LYRM7: variants seen among roughly 807,000 people sequenced by gnomAD.
LYRM7 encodes LYR motif containing 7.
A neutral mutation model predicts 15.8 loss-of-function variants in LYRM7; 9 were observed. The observed-to-expected ratio is 0.57, with a 90% CI of 0.34 to 0.99. The LOEUF (loss-of-function observed/expected upper bound fraction) is 0.99. Among genes scored for constraint, LYRM7 ranks in the 50% least tolerant of loss-of-function variants. The pLI is 0.02. For missense variants in LYRM7, 115 were observed against 119.1 expected, an observed-to-expected ratio of 0.97 and a Z score of 0.16; for synonymous variants, 39 against 39.4, an observed-to-expected ratio of 0.99 and a Z score of 0.04.
rs1756071825 is a variant in LYRM7, at chr5:131,201,782, T to A, written c.*2181T>A. Reference sequence around the variant, plus strand: ...TAAACATGTCAACAACAGGCTTGACTGTCACAAAATTCTGAAAGATGTCGC... The same window carrying A: ...TAAACATGTCAACAACAGGCTTGACAGTCACAAAATTCTGAAAGATGTCGC... On this transcript the variant is annotated 3_prime_UTR_variant, in exon 5 of 5. Coordinates refer to ENST00000379380, the MANE Select transcript of LYRM7 (RefSeq NM_181705.4). 1 of 152,190 alleles carries A rather than the reference T, an allele frequency of 6.6e-6. No individual in the cohort carries two copies. The highest frequency in any genetic ancestry group is 1.5e-5 in the Non-Finnish European group (1 of 68,034). The allele number at this position is 152,190 out of a possible 1,614,324, so 9.4% of individuals were successfully genotyped here. A position where few individuals can be genotyped will look rare whatever the true frequency, so the allele number is the denominator to read the frequency against.
chr5:131,202,210 C>T lies in LYRM7; in HGVS notation c.*2609C>T, dbSNP rs1756082121. ...AATAGTTTAATTAGATAAAGTAATT[C>T]ATGGCTGGGTGTGGTGGCTCACGCC... On this transcript the variant is annotated 3_prime_UTR_variant, in exon 5 of 5. Transcript: ENST00000379380. 1 of 152,002 alleles carries T rather than the reference C, an allele frequency of 6.6e-6. No individual in the cohort carries two copies. The highest frequency in any genetic ancestry group is 2.4e-5 in the African/African-American group (1 of 41,388). 9.4% of individuals were successfully genotyped at this position (152,002 alleles called of 1,614,324 possible).
intron 2 of LYRM7, among the ~76,000 whole-genome samples, chr5:131,181,290 A>ATAT (rs1396017955): frequency 6.1e-5 from 1 of 16,490 alleles, no homozygotes; most frequent in African/African-American, 1.5e-4. Context: ...AAAAAAAAAA[A>ATAT]AAAAAAAAAA....
chr5:131,187,468 TG>T (rs1440673863), intron 4 of LYRM7, among the ~76,000 whole-genome samples: 1 of 149,114 alleles, frequency 6.7e-6, no homozygotes, highest in Non-Finnish European at 1.5e-5. Flanking sequence ...TTTTGTTTTT[TG>T]TTTTTTTGTT....
At chr5:131,186,959 T>C in intron 3 of LYRM7, 69 bp from the exon 4 acceptor site, 1 of 877,434 alleles carries the variant, frequency 1.1e-6, no homozygotes, top group Non-Finnish European at 1.8e-6. Context: ...AAAACTATCG[T>C]TTTCAAAAAC....
rs1756045505 is a variant in LYRM7, at chr5:131,200,595, A to G, written c.*994A>G. ...ATTCACTGATAAATTCTCTCATTTG[A>G]TGATGATACAGGGTTTTTAATTTTT... On this transcript the variant is annotated 3_prime_UTR_variant, in exon 5 of 5. Coordinates refer to ENST00000379380, the MANE Select transcript of LYRM7 (RefSeq NM_181705.4). 1 of 152,348 alleles carries G rather than the reference A, an allele frequency of 6.6e-6. No individual in the cohort carries two copies. The allele number at this position is 152,348 out of a possible 1,614,324, so 9.4% of individuals were successfully genotyped here.
At chr5:131,175,749 G>GGTTTGGTTTT (rs138957867) in intron 1 of LYRM7, among the ~76,000 whole-genome samples, 29 of 151,112 alleles carry the variant, frequency 1.9e-4, no homozygotes, top group African/African-American at 5.4e-4. Flanking sequence ...TGCCCAGGCT[G>GGTTTGGTTTT]GTTTTGTTTT....
chr5:131,172,283 G>T (rs566381604), intron 1 of LYRM7, among the ~76,000 whole-genome samples: 21 of 152,252 alleles, frequency 1.4e-4, no homozygotes, highest in South Asian at 4.1e-4. Context: ...GCATAGGGGC[G>T]GGTGCCTGTA....
At chr5:131,172,699 CAA>C in intron 1 of LYRM7, among the ~76,000 whole-genome samples, 1 of 149,728 alleles carries the variant, frequency 6.7e-6, no homozygotes, top group African/African-American at 2.4e-5. Flanking sequence ...ATCCTACGTC[CAA>C]AAAAAAATAG....
chr5:131,171,950 GC>G (rs1236567121), intron 1 of LYRM7, among the ~76,000 whole-genome samples: 1 of 152,152 alleles, frequency 6.6e-6, no homozygotes, highest in Non-Finnish European at 1.5e-5. Flanking sequence ...CCAACATTTA[GC>G]CTATATTGTC....
rs899126601 is a variant in LYRM7, at chr5:131,200,592, T to C, written c.*991T>C. 7 of 152,362 alleles carry C rather than the reference T, an allele frequency of 4.6e-5. No individual in the cohort carries two copies. Among genetic ancestry groups the C allele is most frequent in the Admixed American group, 1.3e-4 (2 of 15,272 alleles). 9.4% of individuals were successfully genotyped at this position (152,362 alleles called of 1,614,324 possible). A position where few individuals can be genotyped will look rare whatever the true frequency, so the allele number is the denominator to read the frequency against. ...CCCATTCACTGATAAATTCTCTCAT[T>C]TGATGATGATACAGGGTTTTTAATT... is the stretch of plus-strand genomic sequence containing the variant. On this transcript the variant is annotated 3_prime_UTR_variant, in exon 5 of 5. Transcript: ENST00000379380.
rs1317979462 is a variant in LYRM7, at chr5:131,201,700, C to T, written c.*2099C>T. 2 of 151,812 alleles carry T rather than the reference C, an allele frequency of 1.3e-5. No homozygotes were observed. The highest frequency in any genetic ancestry group is 3.9e-4 in the East Asian group (2 of 5,184). The allele number at this position is 151,812 out of a possible 1,614,324, so 9.4% of individuals were successfully genotyped here. On this transcript the variant is annotated 3_prime_UTR_variant, in exon 5 of 5. Coordinates refer to ENST00000379380, the MANE Select transcript of LYRM7 (RefSeq NM_181705.4). ...CACCATTGCACTCCAGCCTAGGCAA[C>T]AAGAGTGAAACTCCGTCTCAAAAAT...
At chr5:131,177,364 T>G (rs1249193982) in intron 1 of LYRM7, among the ~76,000 whole-genome samples, 2 of 152,192 alleles carry the variant, frequency 1.3e-5, no homozygotes, top group African/African-American at 4.8e-5. Flanking sequence ...GTCTTTTCCT[T>G]TTGTGATTCA....
At position 131,203,166 on chromosome 5, in the gene LYRM7, A is replaced by C. The variant is rs1275012080; in HGVS notation, c.*3565A>C. The stretch of plus-strand genomic sequence containing the variant: ...AATGAAGATTCCAGTTCTGAAGGTG[A>C]GTTTTCTGAAGCCAAAGTGGATACA... On this transcript the variant is annotated 3_prime_UTR_variant, in exon 5 of 5. Transcript: ENST00000379380. 1 of 152,350 alleles carries C rather than the reference A, an allele frequency of 6.6e-6. No homozygotes were observed. Among genetic ancestry groups the C allele is most frequent in the Non-Finnish European group, 1.5e-5 (1 of 68,036 alleles). 9.4% of individuals were successfully genotyped at this position (152,350 alleles called of 1,614,324 possible). A position where few individuals can be genotyped will look rare whatever the true frequency, so the allele number is the denominator to read the frequency against.
chr5:131,181,576 A>G (rs1278911888), intron 2 of LYRM7, among the ~76,000 whole-genome samples: 1 of 150,334 alleles, frequency 6.7e-6, no homozygotes, highest in African/African-American at 2.4e-5. Context: ...TTTCAAGTGG[A>G]ATAGTTATAA....
chr5:131,187,223 G>T, intron 4 of LYRM7, 114 bp downstream of exon 4: 1 of 593,450 alleles, frequency 1.7e-6, no homozygotes, highest in Non-Finnish European at 3.0e-6. Context: ...CAGACAATAT[G>T]GTATATAGCA....
chr5:131,200,491 G>C lies in LYRM7; in HGVS notation c.*890G>C, dbSNP rs1200533698. 2 of 152,326 alleles carry C rather than the reference G, an allele frequency of 1.3e-5. No homozygotes were observed. The highest frequency in any genetic ancestry group is 4.8e-5 in the African/African-American group (2 of 41,442). 9.4% of individuals were successfully genotyped at this position (152,326 alleles called of 1,614,324 possible). A position where few individuals can be genotyped will look rare whatever the true frequency, so the allele number is the denominator to read the frequency against. ...CTAACACTAGGAACTGTAAAATACT[G>C]TTTAATATTCTTCTTGTTTCTCTTT... is the stretch of plus-strand genomic sequence containing the variant. On this transcript the variant is annotated 3_prime_UTR_variant, in exon 5 of 5. Coordinates refer to ENST00000379380, the MANE Select transcript of LYRM7 (RefSeq NM_181705.4).
chr5:131,175,760 G>A (rs564823407), intron 1 of LYRM7, among the ~76,000 whole-genome samples: 1 of 151,706 alleles, frequency 6.6e-6, no homozygotes, highest in South Asian at 2.1e-4. Flanking sequence ...GTTTTGTTTT[G>A]TTTTGTTTTG....
Position 131,204,999 on chromosome 5 carries a change from A to G in LYRM7, c.*5398A>G, listed in dbSNP as rs1184648810. The G allele has an allele frequency of 2.0e-5, 3 of 152,216 alleles. No individual in the cohort carries two copies. The highest frequency in any genetic ancestry group is 4.4e-5 in the Non-Finnish European group (3 of 68,036). 9.4% of individuals were successfully genotyped at this position (152,216 alleles called of 1,614,324 possible). On this transcript the variant is annotated 3_prime_UTR_variant, in exon 5 of 5. Transcript: ENST00000379380. ...GTTAAAAGACAATAAGCTACTAGTG[A>G]TTTTTAATATAAAATTAACTATAAA...
At chr5:131,186,968 A>G in intron 3 of LYRM7, 60 bp from the exon 4 acceptor site, 1 of 927,064 alleles carries the variant, frequency 1.1e-6, no homozygotes, top group Non-Finnish European at 1.7e-6. Flanking sequence ...GTTTTCAAAA[A>G]CAGTACATTC....
Sources: allele counts gnomAD v4.1 joint callset (sites outside exome capture counted in the v4.1 genomes callset), GRCh38; gene constraint gnomAD v4.1.1; transcripts MANE v1.5; gene names NCBI Gene and HGNC (gene_info 2026-07-23, HGNC 2026-07-21).